ANKRD29: variants seen among roughly 807,000 people sequenced by gnomAD.
ANKRD29 encodes the protein ankyrin repeat domain 29, also known as ankyrin repeat domain-containing protein 29.
ANKRD29 carries 32 observed loss-of-function variants against 38.0 expected under a neutral mutation model. The observed-to-expected ratio is 0.84, with a 90% CI of 0.64 to 1.13. The LOEUF (loss-of-function observed/expected upper bound fraction) is 1.13, where lower values mean the gene tolerates loss of function less well. Among genes scored for constraint, ANKRD29 ranks in the 50% most tolerant of loss-of-function variants. ANKRD29 has a pLI of 0.00. For synonymous variants in ANKRD29, 135 were observed against 152.4 expected, an observed-to-expected ratio of 0.89 and a Z score of 0.84; for missense variants, 357 against 377.9, an observed-to-expected ratio of 0.94 and a Z score of 0.46.
In ANKRD29 at chr18:23,649,132, A is replaced by G; in HGVS notation, c.83T>C (p.Leu28Pro). ...WAARRGNLAL[L>P]KLLLNSGRVD... ...CCGGCCGCTGTTCAACAGCAGCTTC[A>G]GCAGCGCCAGGTTTCCTCTCCTGGC... The change falls in exon 2 of 10, where the codon CTG becomes CCG. Residue 28 changes from leucine to proline, a missense_variant. Physicochemically the swap from Leu to Pro is moderately conservative, Grantham distance 98 (BLOSUM62 -3). Transcript: ENST00000592179. 1.9e-6 allele frequency: 3 copies of G among 1,614,212 alleles called. No individual in the cohort carries two copies. Among genetic ancestry groups the G allele is most frequent in the Non-Finnish European group, 2.5e-6 (3 of 1,180,008 alleles).
intron 8 of ANKRD29, 75 bp from the exon 9 acceptor site, chr18:23,612,265 C>T (rs1599066551): frequency 7.5e-7 from 1 of 1,334,182 alleles, no homozygotes; most frequent in Admixed American, 1.9e-5. Context: ...CATCATAAAC[C>T]ATCTGGGTGA....
chr18:23,617,272 C>T (rs1455849086), intron 8 of ANKRD29, among the ~76,000 whole-genome samples: 2 of 152,062 alleles, frequency 1.3e-5, no homozygotes, highest in African/African-American at 4.8e-5. Flanking sequence ...AGAGTTTTGG[C>T]TCTGTTTTTT....
chr18:23,651,738 G>A (rs1227029439), intron 1 of ANKRD29, among the ~76,000 whole-genome samples: 1 of 152,180 alleles, frequency 6.6e-6, no homozygotes, highest in Non-Finnish European at 1.5e-5. Flanking sequence ...TGGTCTTGGG[G>A]ATTCCTCTCC....
chr18:23,629,935 A>G lies in ANKRD29; in HGVS notation c.446T>C (p.Leu149Pro). Reference sequence around the variant, plus strand: ...GTAACCACCTTGGGCAGCTAGGAAGAGGGCAGTGGCTCCATCCTGAGAGAG... The same window carrying G: ...GTAACCACCTTGGGCAGCTAGGAAGGGGGCAGTGGCTCCATCCTGAGAGAG... ...HDQLYDGATALFLAAQGGYLD... is the reference protein window; with the variant it reads ...HDQLYDGATAPFLAAQGGYLD... Residue 149 changes from leucine to proline, a missense_variant, in exon 6 of 10, where the codon CTC (leucine) becomes CCC (proline). Coordinates refer to ENST00000592179, the MANE Select transcript of ANKRD29 (RefSeq NM_173505.4). 1 of 1,614,050 alleles carries G rather than the reference A, an allele frequency of 6.2e-7. No homozygotes were observed. The highest frequency in any genetic ancestry group is 8.5e-7 in the Non-Finnish European group (1 of 1,179,928).
intron 5 of ANKRD29, 74 bp from the exon 6 acceptor site, chr18:23,630,025 C>A: frequency 8.0e-7 from 1 of 1,248,008 alleles, no homozygotes; most frequent in East Asian, 2.5e-5. Flanking sequence ...AGGGCGGGTG[C>A]AGTGGCTCAT....
chr18:23,603,371 G>A (rs887099047), intron 9 of ANKRD29, among the ~76,000 whole-genome samples: 1 of 152,248 alleles, frequency 6.6e-6, no homozygotes, highest in Admixed American at 6.5e-5. Flanking sequence ...GGTGGCTCAC[G>A]CCTGTAATCC....
intron 5 of ANKRD29, among the ~76,000 whole-genome samples, chr18:23,630,992 GA>G (rs998702740): frequency 7.8e-4 from 113 of 145,762 alleles, no homozygotes; most frequent in African/African-American, 2.6e-3. Flanking sequence ...AGAAAAAAAA[GA>G]AAAAAAAATT....
chr18:23,656,031 T>G (rs2060277694), intron 1 of ANKRD29, among the ~76,000 whole-genome samples: 1 of 144,306 alleles, frequency 6.9e-6, no homozygotes, highest in Non-Finnish European at 1.5e-5. Flanking sequence ...AGGCGGAGCT[T>G]GCAGTGAGCC....
intron 1 of ANKRD29, 122 bp downstream of exon 1, chr18:23,662,585 AAGG>A (rs2060379177): frequency 1.1e-6 from 1 of 929,836 alleles, no homozygotes; most frequent in Non-Finnish European, 1.5e-6. Flanking sequence ...AGGAGAGAGG[AAGG>A]AGGAGGCGGC....
At chr18:23,615,147 C>T (rs1440272630) in intron 8 of ANKRD29, among the ~76,000 whole-genome samples, 1 of 152,098 alleles carries the variant, frequency 6.6e-6, no homozygotes, top group African/African-American at 2.4e-5. Flanking sequence ...TCAGCTGGGA[C>T]TACAGCCACA....
chr18:23,612,995 C>G (rs2059663040), intron 8 of ANKRD29, among the ~76,000 whole-genome samples: 1 of 152,054 alleles, frequency 6.6e-6, no homozygotes, highest in Non-Finnish European at 1.5e-5. Flanking sequence ...AAAAACCACT[C>G]TGATTTTGTA....
chr18:23,628,162 A>C (rs1350001917), intron 6 of ANKRD29, among the ~76,000 whole-genome samples: 1 of 152,218 alleles, frequency 6.6e-6, no homozygotes, highest in East Asian at 1.9e-4. Flanking sequence ...TTCAATGATG[A>C]AAGTCAGGCC....
In ANKRD29 at chr18:23,638,956, G is replaced by T; in HGVS notation, c.232-9C>A. 6.3e-7 allele frequency: 1 copy of T among 1,583,024 alleles called. No homozygotes were observed. Among genetic ancestry groups the T allele is most frequent in the South Asian group, 1.2e-5 (1 of 86,552 alleles). Reference sequence around the variant, plus strand: ...AGGGCAGTTGTACCTGACTGGGAGAGAGGGAGAGGCTAGTTTTAAAAGACA... The same window carrying T: ...AGGGCAGTTGTACCTGACTGGGAGATAGGGAGAGGCTAGTTTTAAAAGACA... On this transcript the variant is annotated splice_polypyrimidine_tract_variant and intron_variant, in intron 3 of 9. Coordinates refer to ENST00000592179, the MANE Select transcript of ANKRD29 (RefSeq NM_173505.4).
intron 4 of ANKRD29, among the ~76,000 whole-genome samples, chr18:23,635,513 C>T (rs996481864): frequency 6.6e-6 from 1 of 152,096 alleles, no homozygotes; most frequent in Admixed American, 6.5e-5. Flanking sequence ...TCTTTTTTCC[C>T]ATCTAGCGTT....
At chr18:23,629,013 C>A (rs2059896006) in intron 6 of ANKRD29, among the ~76,000 whole-genome samples, 1 of 152,162 alleles carries the variant, frequency 6.6e-6, no homozygotes, top group Non-Finnish European at 1.5e-5. Flanking sequence ...GAGACAGAGT[C>A]TTGTTCTATT....
intron 5 of ANKRD29, among the ~76,000 whole-genome samples, chr18:23,631,227 GTCTC>G (rs1219299821): frequency 6.7e-6 from 1 of 149,556 alleles, no homozygotes; most frequent in African/African-American, 2.5e-5. Flanking sequence ...GCAAGACCTT[GTCTC>G]TCTCTCTCTT....
chr18:23,662,794 C>G lies in ANKRD29; in HGVS notation c.-64G>C, dbSNP rs2060385476. ...CCCGGGGCGCCTTGTCCTCCCCGGC[C>G]CTTCACTCTCCCGGGGCTCTCGGCG... On this transcript the variant is annotated 5_prime_UTR_variant, in exon 1 of 10. Transcript: ENST00000592179. 2.2e-6 allele frequency: 3 copies of G among 1,378,244 alleles called. No individual in the cohort carries two copies. The highest frequency in any genetic ancestry group is 3.0e-5 in the African/African-American group (2 of 65,922). 85.4% of individuals were successfully genotyped at this position (1,378,244 alleles called of 1,614,324 possible).
At chr18:23,655,303 G>A (rs72886278) in intron 1 of ANKRD29, among the ~76,000 whole-genome samples, 3,614 of 151,960 alleles carry the variant, frequency 0.024, 54 homozygotes, top group Middle Eastern at 0.1. Context: ...TAGGCGCAAC[G>A]ATTAACCAGC....
intron 8 of ANKRD29, among the ~76,000 whole-genome samples, chr18:23,614,423 A>G (rs1489592959): frequency 6.6e-6 from 1 of 152,182 alleles, no homozygotes; most frequent in Non-Finnish European, 1.5e-5. Flanking sequence ...GCAAAGTCCA[A>G]GCTTTCTAAA....
Sources: allele counts gnomAD v4.1 joint callset (sites outside exome capture counted in the v4.1 genomes callset), GRCh38; gene constraint gnomAD v4.1.1; transcripts MANE v1.5; gene names NCBI Gene and HGNC (gene_info 2026-07-23, HGNC 2026-07-21).